Variants in KCNMB3 observed in about 807,000 individuals in gnomAD.
KCNMB3 encodes potassium calcium-activated channel subfamily M regulatory beta subunit 3.
A neutral mutation model predicts 11.9 loss-of-function variants in KCNMB3; 18 were observed. That is an observed-to-expected ratio of 1.51 (90% CI 1.04 to 2.23). The LOEUF (loss-of-function observed/expected upper bound fraction) is 2.23, where lower values mean the gene tolerates loss of function less well. Among genes scored for constraint, KCNMB3 ranks in the 30% most tolerant of loss-of-function variants. KCNMB3 has a pLI of 0.00. For synonymous variants in KCNMB3, 78 were observed against 119.2 expected, an observed-to-expected ratio of 0.65 and a Z score of 2.25; for missense variants, 247 against 329.4, an observed-to-expected ratio of 0.75 and a Z score of 1.94.
rs1247660256 is a variant in KCNMB3 at position 179,244,794 on chromosome 3, G to C, written c.249-101C>G. The C allele has an allele frequency of 1.3e-5, 13 of 969,792 alleles. No individual in the cohort carries two copies. The East Asian group carries it at 3.1e-4, about 23-fold the overall frequency. The allele number at this position is 969,792 out of a possible 1,614,324, so 60.1% of individuals were successfully genotyped here. Reference sequence around the variant, plus strand: ...TATGTACACAATGCCCAAGGCATTTGTGTACAAGGCATTTGTGTATTTTGA... The same window carrying C: ...TATGTACACAATGCCCAAGGCATTTCTGTACAAGGCATTTGTGTATTTTGA... On this transcript the variant is annotated intron_variant, in intron 1 of 2. Coordinates refer to ENST00000392685, the MANE Select transcript of KCNMB3 (RefSeq NM_171830.2).
At chr3:179,240,000 T>C (rs1420899454), downstream of KCNMB3, 14 of 1,543,778 alleles carry the variant, frequency 9.1e-6, no homozygotes, top group Non-Finnish European at 1.2e-5. Flanking sequence ...CTGCACTTAC[T>C]GTTTATGCTC....
At chr3:179,261,452 G>A (rs1183632180) in intron 1 of KCNMB3, among the ~76,000 whole-genome samples, 2 of 151,958 alleles carry the variant, frequency 1.3e-5, no homozygotes, top group African/African-American at 4.8e-5. Context: ...CGGCTCGCGG[G>A]ACTGGGCTCG....
At chr3:179,254,011 C>T (rs1396181688), upstream of KCNMB3, among the ~76,000 whole-genome samples, 2 of 152,036 alleles carry the variant, frequency 1.3e-5, no homozygotes, top group African/African-American at 2.4e-5. Context: ...AAAGTAGGAA[C>T]CCAGAAAGGA....
At chr3:179,239,924 A>G, downstream of KCNMB3, 2 of 873,174 alleles carry the variant, frequency 2.3e-6, no homozygotes, top group South Asian at 1.5e-5. Context: ...TAGAATAATA[A>G]CAGTATCACT....
chr3:179,255,255 T>G (rs1477189), upstream of KCNMB3, among the ~76,000 whole-genome samples: 1 of 149,522 alleles, frequency 6.7e-6, no homozygotes, highest in Non-Finnish European at 1.5e-5. Flanking sequence ...GCAAAAAAAA[T>G]AGACCACAAA....
At chr3:179,263,648 C>CA (rs199641915) in intron 1 of KCNMB3, among the ~76,000 whole-genome samples, 79 of 150,408 alleles carry the variant, frequency 5.3e-4, no homozygotes, top group Admixed American at 8.6e-4. Flanking sequence ...TTGAAAAATA[C>CA]AAAAAAAAAT....
chr3:179,260,493 A>G lies in KCNMB3; in HGVS notation c.62+6156T>C, dbSNP rs1207980768. 6.2e-6 allele frequency: 10 copies of G among 1,609,626 alleles called. No individual in the cohort carries two copies. The East Asian group carries it at 2.2e-4, about 36-fold the overall frequency. ...TTGTTCTTTCTCAGTATTGTGCAAG[A>G]TTTCTCTTTTCCCCACATTCGCCAC... On this transcript the variant is annotated intron_variant, in intron 1 of 3. Coordinates refer to the KCNMB3 transcript ENST00000349697.
At position 179,247,596 on chromosome 3, in the gene KCNMB3, G is replaced by A. The variant is rs141855011; in HGVS notation, c.249-2903C>T. Among the ~76,000 whole-genome samples, 408 of 152,186 alleles carry A rather than the reference G, an allele frequency of 2.7e-3. 1 individual carries two copies. The highest frequency in any genetic ancestry group is 9.4e-3 in the African/African-American group (391 of 41,510). The stretch of plus-strand genomic sequence containing the variant: ...AACCGAGCTACAAAGTTGCCTCTGG[G>A]TTTCCTAGCAGCCAAAGCAATGAAG... On this transcript the variant is annotated intron_variant, in intron 1 of 2. Coordinates refer to ENST00000392685, the MANE Select transcript of KCNMB3 (RefSeq NM_171830.2).
intron 1 of KCNMB3, among the ~76,000 whole-genome samples, chr3:179,264,540 A>G (rs536057026): frequency 6.6e-6 from 1 of 152,244 alleles, no homozygotes; most frequent in East Asian, 1.9e-4. Flanking sequence ...ACCACCTTCT[A>G]TTCTCTTCAC....
upstream of KCNMB3, among the ~76,000 whole-genome samples, chr3:179,255,283 T>A (rs1243498553): frequency 5.3e-5 from 8 of 149,966 alleles, no homozygotes; most frequent in Non-Finnish European, 3.0e-5. Flanking sequence ...CCACGAAAAA[T>A]TTCAGATATT....
intron 1 of KCNMB3, chr3:179,259,399 T>C (rs1370664855): frequency 1.3e-6 from 2 of 1,590,576 alleles, no homozygotes; most frequent in African/African-American, 2.7e-5. Context: ...GATTGAACTG[T>C]GACATCCTCA....
At chr3:179,254,891 G>A (rs73055889), upstream of KCNMB3, among the ~76,000 whole-genome samples, 11,374 of 152,232 alleles carry the variant, frequency 0.075, 583 homozygotes, top group Middle Eastern at 0.15. Context: ...ACAGCCAGGC[G>A]AGGTAGTTCA....
Position 179,250,897 on chromosome 3 carries a change from CTG to C in KCNMB3, c.92_93del (p.Thr31ArgfsTer4), listed in dbSNP as rs1725819287. ...AFPASGKKRETDYSDGDPLDV... is the reference protein window; with the variant it reads ...AFPASGKKREXDYSDGDPLDV... ...TCTAGTGGGTCTCCATCACTGTAGT[CTG>C]TCTCTCTCTTCTTCCCTGAGGCAGG... On this transcript the variant is annotated frameshift_variant, in exon 1 of 3. Coordinates refer to ENST00000392685, the MANE Select transcript of KCNMB3 (RefSeq NM_171830.2). LOFTEE classifies it high-confidence loss of function. 1 of 1,614,150 alleles carries C rather than the reference CTG, an allele frequency of 6.2e-7. No homozygotes were observed. The highest frequency in any genetic ancestry group is 8.5e-7 in the Non-Finnish European group (1 of 1,180,036).
upstream of KCNMB3, among the ~76,000 whole-genome samples, chr3:179,256,259 A>T (rs1327763084): frequency 6.6e-6 from 1 of 152,146 alleles, no homozygotes; most frequent in African/African-American, 2.4e-5. Context: ...AACATGGCGA[A>T]ACCCCATCTC....
At chr3:179,250,685 G>A (rs984815242) in intron 1 of KCNMB3, 58 bp downstream of exon 1, 37 of 1,554,478 alleles carry the variant, frequency 2.4e-5, no homozygotes, top group African/African-American at 1.8e-4. Context: ...CTCCTTTACC[G>A]CTGTGCCTGG....
chr3:179,261,720 C>T (rs1473613290), intron 1 of KCNMB3, among the ~76,000 whole-genome samples: 2 of 152,242 alleles, frequency 1.3e-5, no homozygotes, highest in Non-Finnish European at 2.9e-5. Flanking sequence ...TGGGCAGTGG[C>T]AGCCAGCCAT....
intron 1 of KCNMB3, among the ~76,000 whole-genome samples, chr3:179,248,255 T>G (rs995815802): frequency 6.6e-6 from 1 of 152,164 alleles, no homozygotes; most frequent in Non-Finnish European, 1.5e-5. Flanking sequence ...AAATAACACT[T>G]CCATCATGGG....
upstream of KCNMB3, chr3:179,251,182 G>A (rs1255046226): frequency 1.2e-5 from 20 of 1,607,084 alleles, no homozygotes; most frequent in Non-Finnish European, 1.4e-5. Flanking sequence ...GTTGCCTCAT[G>A]CAAGTCTGTA....
downstream of KCNMB3, chr3:179,241,666 C>T (rs1159397759): frequency 1.3e-5 from 2 of 152,188 alleles, no homozygotes; most frequent in East Asian, 1.9e-4. Context: ...ATAGATTCGG[C>T]TTAATCAACC....
Sources: allele counts gnomAD v4.1 joint callset (sites outside exome capture counted in the v4.1 genomes callset), GRCh38; gene constraint gnomAD v4.1.1; transcripts MANE v1.5; gene names NCBI Gene and HGNC (gene_info 2026-07-23, HGNC 2026-07-21).